Variants in CDK13 observed in about 807,000 individuals in gnomAD.
The protein encoded by CDK13 is cyclin dependent kinase 13, also known as cyclin-dependent kinase 13.
A neutral mutation model predicts 137.6 loss-of-function variants in CDK13; 40 were observed. The observed-to-expected ratio is 0.29, with a 90% CI of 0.23 to 0.38. The LOEUF is 0.38. Among genes scored for constraint, CDK13 ranks in the 10% least tolerant of loss-of-function variants. The pLI, the probability that CDK13 is intolerant of heterozygous loss-of-function variation, is 1.00. For missense variants in CDK13, 1,704 were observed against 1,951.8 expected (o/e 0.87, Z 2.39); for synonymous variants, 869 against 760.1 (o/e 1.14, Z -2.36).
intron 12 of CDK13, among the ~76,000 whole-genome samples, chr7:40,090,766 G>A (rs189447931): frequency 2.6e-5 from 4 of 152,230 alleles, no homozygotes; most frequent in East Asian, 3.9e-4. Flanking sequence ...AGTTACTTGC[G>A]GGGCTGAAGC....
At chr7:40,018,057 A>G (rs1785039543) in intron 5 of CDK13, among the ~76,000 whole-genome samples, 1 of 151,794 alleles carries the variant, frequency 6.6e-6, no homozygotes. Flanking sequence ...GTGGATAAAG[A>G]TCGCCTTCTC....
chr7:40,063,434 T>C (rs1189202145), intron 9 of CDK13, among the ~76,000 whole-genome samples: 1 of 152,130 alleles, frequency 6.6e-6, no homozygotes, highest in East Asian at 1.9e-4. Context: ...TACATATTTT[T>C]TAATTATGAA....
At chr7:39,957,090 C>CGTGTGTGTGTGTGTGTGT (rs70996865) in intron 1 of CDK13, among the ~76,000 whole-genome samples, 2 of 140,934 alleles carry the variant, frequency 1.4e-5, no homozygotes, top group East Asian at 2.1e-4. Context: ...ATCCCACTGT[C>CGTGTGTGTGTGTGTGTGT]GTGTGTGTGT....
intron 3 of CDK13, chr7:39,997,870 C>T (rs1290042767): frequency 4.2e-6 from 2 of 478,210 alleles, no homozygotes; most frequent in Admixed American, 4.0e-5. Flanking sequence ...ATTTAATTTT[C>T]TCTCGTAATT....
In CDK13 at chr7:40,098,994, A is replaced by G. The variant is rs1787094810; in HGVS notation, c.*4014A>G. 1 of 151,976 alleles carries G rather than the reference A, an allele frequency of 6.6e-6. No individual in the cohort carries two copies. The allele number at this position is 151,976 out of a possible 1,614,324, so 9.4% of individuals were successfully genotyped here. On this transcript the variant is annotated 3_prime_UTR_variant, in exon 14 of 14. Transcript: ENST00000181839. ...TGTTGAAAGAAGATTGGTTATCAGTAGGCTTGCAAACATAATTTGCTTTTA... is the reference window on the plus strand; with the variant it reads ...TGTTGAAAGAAGATTGGTTATCAGTGGGCTTGCAAACATAATTTGCTTTTA...
At chr7:39,985,842 A>G (rs1236128121) in intron 1 of CDK13, 1 of 152,260 alleles carries the variant, frequency 6.6e-6, no homozygotes, top group Non-Finnish European at 1.5e-5. Flanking sequence ...GCCAGGAAAA[A>G]TACAGTGTTA....
At chr7:39,989,980 T>C (rs891617633) in intron 2 of CDK13, among the ~76,000 whole-genome samples, 1 of 152,242 alleles carries the variant, frequency 6.6e-6, no homozygotes, top group Non-Finnish European at 1.5e-5. Flanking sequence ...GACGGGGGGC[T>C]TCACCATGTT....
intron 1 of CDK13, among the ~76,000 whole-genome samples, chr7:39,973,467 C>T (rs1400287214): frequency 1.3e-5 from 2 of 152,118 alleles, no homozygotes; most frequent in Admixed American, 6.6e-5. Context: ...GGGCTGTCGT[C>T]TTATTATAGG....
chr7:40,076,080 C>T (rs536679505), intron 9 of CDK13, among the ~76,000 whole-genome samples: 1 of 152,314 alleles, frequency 6.6e-6, no homozygotes, highest in South Asian at 2.1e-4. Context: ...TTCACTCTTT[C>T]CCTAACTTAA....
intron 1 of CDK13, among the ~76,000 whole-genome samples, chr7:39,954,124 C>T (rs1318428186): frequency 6.6e-6 from 1 of 152,166 alleles, no homozygotes; most frequent in Non-Finnish European, 1.5e-5. Context: ...ACAGAGCACA[C>T]GTGTATGCTA....
chr7:40,096,279 T>C lies in CDK13; in HGVS notation c.*1299T>C, dbSNP rs1787045526. 1 of 152,226 alleles carries C rather than the reference T, an allele frequency of 6.6e-6. No homozygotes were observed. The highest frequency in any genetic ancestry group is 2.1e-4 in the South Asian group (1 of 4,834). 9.4% of individuals were successfully genotyped at this position (152,226 alleles called of 1,614,324 possible). A position where few individuals can be genotyped will look rare whatever the true frequency, so the allele number is the denominator to read the frequency against. On this transcript the variant is annotated 3_prime_UTR_variant, in exon 14 of 14. Transcript: ENST00000181839. ...GAGAGAGAACTTTTATCTTCCTTCCTGTCACATTCTGTAAAGTTGATTATG... is the reference window on the plus strand; with the variant it reads ...GAGAGAGAACTTTTATCTTCCTTCCCGTCACATTCTGTAAAGTTGATTATG...
chr7:40,042,814 CCTT>C (rs1449109417), intron 5 of CDK13, among the ~76,000 whole-genome samples: 25 of 150,368 alleles, frequency 1.7e-4, no homozygotes, highest in African/African-American at 6.1e-4. Context: ...GGGTCTGTCT[CCTT>C]CTGTCACCCA....
At chr7:40,064,707 C>G (rs1462577212) in intron 9 of CDK13, among the ~76,000 whole-genome samples, 1 of 151,576 alleles carries the variant, frequency 6.6e-6, no homozygotes, top group Non-Finnish European at 1.5e-5. Flanking sequence ...CCAGTTGCCT[C>G]ACTTTTAATA....
At chr7:40,041,579 A>G (rs1055418296) in intron 5 of CDK13, among the ~76,000 whole-genome samples, 3 of 152,362 alleles carry the variant, frequency 2.0e-5, no homozygotes, top group South Asian at 4.1e-4. Context: ...CTCATTAGCC[A>G]CATGTGGCTA....
At chr7:40,043,325 C>A (rs1562745412) in intron 5 of CDK13, among the ~76,000 whole-genome samples, 1 of 152,142 alleles carries the variant, frequency 6.6e-6, no homozygotes, top group Non-Finnish European at 1.5e-5. Flanking sequence ...ATTATTTCCA[C>A]TGTTCTGTCA....
chr7:39,953,750 A>C (rs1787315658), intron 1 of CDK13, among the ~76,000 whole-genome samples: 1 of 152,132 alleles, frequency 6.6e-6, no homozygotes, highest in Admixed American at 6.5e-5. Context: ...TAAAGAGTTG[A>C]ATTTGGAAGG....
intron 1 of CDK13, among the ~76,000 whole-genome samples, chr7:39,976,323 T>TCTCTCTCTCTCTCACACACACACACACA: frequency 5.8e-4 from 23 of 39,568 alleles, no homozygotes; most frequent in South Asian, 2.3e-3. Context: ...TCTCTCTCTC[T>TCTCTCTCTCTCTCACACACACACACACA]CACACACACA....
intron 3 of CDK13, 50 bp from the exon 4 acceptor site, chr7:39,999,311 T>G (rs1472761832): frequency 6.8e-7 from 1 of 1,475,118 alleles, no homozygotes; most frequent in East Asian, 2.3e-5. Context: ...TTAGACAGTT[T>G]ATTCAATTTG....
intron 5 of CDK13, among the ~76,000 whole-genome samples, chr7:40,037,550 A>G (rs770191346): frequency 2.0e-5 from 3 of 152,210 alleles, no homozygotes; most frequent in Non-Finnish European, 4.4e-5. Context: ...AAGTCACATC[A>G]TTCACTCTCC....
Sources: allele counts gnomAD v4.1 joint callset (sites outside exome capture counted in the v4.1 genomes callset), GRCh38; gene constraint gnomAD v4.1.1; transcripts MANE v1.5; gene names NCBI Gene and HGNC (gene_info 2026-07-23, HGNC 2026-07-21).